The following TCF12 variants were observed in gnomAD, a reference collection of about 807,000 sequenced individuals.
The protein encoded by TCF12 is transcription factor 12, also known as DNA-binding protein HTF4.
In TCF12, 45 loss-of-function variants were observed where a neutral mutation model predicts 86.0. That is an observed-to-expected ratio of 0.52 (90% CI 0.41 to 0.67). TCF12 has a LOEUF of 0.67. Ranked by LOEUF, TCF12 falls within the 30% of genes least tolerant of loss-of-function variation. The pLI, the probability that TCF12 is intolerant of heterozygous loss-of-function variation, is 0.00. For synonymous variants in TCF12, 330 were observed against 299.6 expected (o/e 1.10, Z -1.05); for missense variants, 881 against 859.9 (o/e 1.02, Z -0.31).
At position 57,007,800 on chromosome 15, in the gene TCF12, TTC is replaced by T. The variant is rs368627940; in HGVS notation, c.149-55948_149-55947del. Among the ~76,000 whole-genome samples the T allele has an allele frequency of 2.0e-3, 261 of 133,546 alleles. 4 individuals are homozygous for T. The highest frequency in any genetic ancestry group is 6.1e-3 in the African/African-American group (229 of 37,398). 87.6% of individuals were successfully genotyped at this position (133,546 alleles called of 152,430 possible). On this transcript the variant is annotated intron_variant, in intron 3 of 20. Transcript: ENST00000333725. ...TTTCTTTCTTTCTTTCTCTCTTTCT[TTC>T]TTTCTTTCTTTCTTTCTTTTTCTTT... is the stretch of plus-strand genomic sequence containing the variant.
At chr15:57,118,600 A>C (rs142582375) in intron 5 of TCF12, among the ~76,000 whole-genome samples, 1 of 152,182 alleles carries the variant, frequency 6.6e-6, no homozygotes, top group East Asian at 1.9e-4. Flanking sequence ...TTTTTCAGTT[A>C]GTGGTTGCGT....
At chr15:56,963,776 C>G (rs1437854969) in intron 3 of TCF12, among the ~76,000 whole-genome samples, 4 of 152,066 alleles carry the variant, frequency 2.6e-5, no homozygotes, top group Non-Finnish European at 5.9e-5. Flanking sequence ...TGTGTTATAA[C>G]GAGTAGAAAT....
At chr15:56,994,358 C>T (rs1276343119) in intron 3 of TCF12, among the ~76,000 whole-genome samples, 1 of 152,042 alleles carries the variant, frequency 6.6e-6, no homozygotes, top group Non-Finnish European at 1.5e-5. Flanking sequence ...AAGATTTCAA[C>T]TCACAATGGA....
intron 5 of TCF12, among the ~76,000 whole-genome samples, chr15:57,110,124 A>T (rs1195134998): frequency 6.6e-6 from 1 of 152,244 alleles, no homozygotes. Context: ...TCATGATAGC[A>T]TAACAATGTA....
intron 12 of TCF12, among the ~76,000 whole-genome samples, chr15:57,242,220 C>A (rs1173719352): frequency 1.3e-5 from 2 of 152,114 alleles, no homozygotes; most frequent in Non-Finnish European, 2.9e-5. Flanking sequence ...TTTGCACTCA[C>A]AAGTAGTTTT....
chr15:57,125,193 T>A (rs973942198), intron 5 of TCF12, among the ~76,000 whole-genome samples: 16 of 152,150 alleles, frequency 1.1e-4, no homozygotes, highest in South Asian at 2.1e-4. Flanking sequence ...TACTTGGAAC[T>A]TTTATATGCA....
intron 3 of TCF12, among the ~76,000 whole-genome samples, chr15:56,994,008 C>G (rs1473230188): frequency 1.3e-5 from 2 of 151,918 alleles, no homozygotes; most frequent in Admixed American, 6.6e-5. Flanking sequence ...ATTGTGAACA[C>G]TCTTGAAATG....
intron 18 of TCF12, among the ~76,000 whole-genome samples, chr15:57,263,823 A>T (rs28696785): frequency 2.3e-3 from 356 of 152,304 alleles, no homozygotes; most frequent in African/African-American, 8.3e-3. Flanking sequence ...GAATTTGTGT[A>T]TCTAAACACC....
chr15:56,942,260 C>T (rs2060811453), intron 3 of TCF12, among the ~76,000 whole-genome samples: 1 of 152,054 alleles, frequency 6.6e-6, no homozygotes, highest in South Asian at 2.1e-4. Context: ...TGAAACAAAG[C>T]TATGTTTGTA....
intron 5 of TCF12, among the ~76,000 whole-genome samples, chr15:57,122,200 T>G (rs2051289313): frequency 6.6e-6 from 1 of 151,726 alleles, no homozygotes; most frequent in African/African-American, 2.4e-5. Context: ...TTTTTCACAT[T>G]TTTTTCACCA....
intron 12 of TCF12, among the ~76,000 whole-genome samples, chr15:57,237,740 A>T (rs1187666432): frequency 6.6e-6 from 1 of 152,248 alleles, no homozygotes; most frequent in Non-Finnish European, 1.5e-5. Context: ...GAAAAGAAAC[A>T]TATTCCTGAT....
chr15:57,056,401 C>T (rs1369790991), intron 3 of TCF12, among the ~76,000 whole-genome samples: 9 of 152,046 alleles, frequency 5.9e-5, no homozygotes, highest in Non-Finnish European at 1.0e-4. Context: ...CTCAGCCTCC[C>T]GTAGTGCTGG....
intron 5 of TCF12, among the ~76,000 whole-genome samples, chr15:57,107,951 C>G (rs1429593162): frequency 2.0e-5 from 3 of 151,986 alleles, no homozygotes; most frequent in Admixed American, 6.6e-5. Context: ...TTCTGAAGAT[C>G]CATGAATTTC....
intron 5 of TCF12, among the ~76,000 whole-genome samples, chr15:57,125,593 G>T (rs1317213578): frequency 3.3e-5 from 5 of 152,340 alleles, no homozygotes; most frequent in African/African-American, 1.2e-4. Flanking sequence ...TAATGGGCTA[G>T]TTAAGTTTTA....
chr15:57,261,505 A>C (rs2060583021), intron 16 of TCF12, among the ~76,000 whole-genome samples: 2 of 152,202 alleles, frequency 1.3e-5, no homozygotes, highest in Non-Finnish European at 1.5e-5. Context: ...TGAAGGATTT[A>C]TTGAAAAACA....
In TCF12 at chr15:57,098,193, A is replaced by G. The variant is rs531473439; in HGVS notation, c.325+6302A>G. Among the ~76,000 whole-genome samples, 45 of 152,216 alleles carry G rather than the reference A, an allele frequency of 3.0e-4. 1 individual carries two copies. In the East Asian group the frequency reaches 7.9e-3, roughly 27 times the overall value. On this transcript the variant is annotated intron_variant, in intron 5 of 20. Coordinates refer to ENST00000333725, the MANE Select transcript of TCF12 (RefSeq NM_207037.2). ...GAGCAAGACTCCATCTCAAAAAAAC[A>G]AAACAAACAAACAAAAAAACAGAAA...
At chr15:57,162,232 T>A (rs2054554751) in intron 5 of TCF12, among the ~76,000 whole-genome samples, 1 of 134,274 alleles carries the variant, frequency 7.4e-6, no homozygotes, top group Non-Finnish European at 1.5e-5. Flanking sequence ...TATGTATATT[T>A]ATGTTAAAAA....
intron 3 of TCF12, among the ~76,000 whole-genome samples, chr15:57,022,593 C>G (rs906083967): frequency 3.9e-5 from 6 of 152,136 alleles, no homozygotes; most frequent in Admixed American, 1.3e-4. Flanking sequence ...GTAATGGGAT[C>G]ACTGGGTCAA....
At chr15:56,989,033 AAAT>A (rs1330477555) in intron 3 of TCF12, among the ~76,000 whole-genome samples, 1 of 152,162 alleles carries the variant, frequency 6.6e-6, no homozygotes, top group African/African-American at 2.4e-5. Flanking sequence ...AGTATATAAA[AAAT>A]AAAGATTTTA....
Sources: allele counts gnomAD v4.1 joint callset (sites outside exome capture counted in the v4.1 genomes callset), GRCh38; gene constraint gnomAD v4.1.1; transcripts MANE v1.5; gene names NCBI Gene and HGNC (gene_info 2026-07-23, HGNC 2026-07-21).